The following PDE6A variants were observed in gnomAD, a reference collection of about 807,000 sequenced individuals.
PDE6A encodes the protein rod cGMP-specific 3',5'-cyclic phosphodiesterase subunit alpha.
In PDE6A, 84 loss-of-function variants were observed where a neutral mutation model predicts 106.3. The observed-to-expected ratio is 0.79, with a 90% CI of 0.66 to 0.95. The LOEUF (loss-of-function observed/expected upper bound fraction) is 0.95, where lower values mean the gene tolerates loss of function less well. Ranked by LOEUF, PDE6A falls within the 40% of genes least tolerant of loss-of-function variation. The pLI is 0.00. For synonymous variants in PDE6A, 394 were observed against 386.6 expected (o/e 1.02, Z -0.23); for missense variants, 1,052 against 1,084.9 (o/e 0.97, Z 0.43).
At chr5:149,920,433 T>C (rs969141570) in intron 5 of PDE6A, among the ~76,000 whole-genome samples, 1 of 151,900 alleles carries the variant, frequency 6.6e-6, no homozygotes, top group African/African-American at 2.4e-5. Context: ...ATACGAAAAT[T>C]AGCCAGGTAT....
intron 1 of PDE6A, among the ~76,000 whole-genome samples, chr5:149,941,526 C>G (rs555491634): frequency 6.6e-6 from 1 of 152,222 alleles, no homozygotes; most frequent in Non-Finnish European, 1.5e-5. Context: ...AGTGTTTAAC[C>G]AAGTGATCAG....
chr5:149,885,685 T>G (rs1752267975), intron 14 of PDE6A, among the ~76,000 whole-genome samples: 1 of 152,232 alleles, frequency 6.6e-6, no homozygotes. Context: ...TTTAATGCAT[T>G]CATTTTCTAT....
At chr5:149,907,268 C>G (rs1174755411) in intron 7 of PDE6A, 44 bp downstream of exon 7, 8 of 1,392,942 alleles carry the variant, frequency 5.7e-6, no homozygotes, top group Non-Finnish European at 7.2e-6. Flanking sequence ...ACTCTTTCTT[C>G]CACGTGATCC....
chr5:149,884,197 A>ATAT lies in PDE6A; in HGVS notation c.2027+281_2027+282insATA, dbSNP rs1396828370. Among the ~76,000 whole-genome samples the ATAT allele has an allele frequency of 1.5e-3, 213 of 142,430 alleles. 2 individuals carry two copies. Among genetic ancestry groups the ATAT allele is most frequent in the Middle Eastern group, 7.4e-3 (2 of 272 alleles). 93.4% of individuals were successfully genotyped at this position (142,430 alleles called of 152,430 possible). A position where few individuals can be genotyped will look rare whatever the true frequency, so the allele number is the denominator to read the frequency against. Reference sequence around the variant, plus strand: ...ATCCTGTCTCAAAAAAGAAAAAAAAAAAATATATATATATATATACACACA... The same window carrying ATAT: ...ATCCTGTCTCAAAAAAGAAAAAAAAATATAAATATATATATATATATACACACA... On this transcript the variant is annotated intron_variant, in intron 16 of 21. Transcript: ENST00000255266.
chr5:149,900,975 G>A (rs1752956316), intron 8 of PDE6A, among the ~76,000 whole-genome samples: 1 of 152,110 alleles, frequency 6.6e-6, no homozygotes, highest in Non-Finnish European at 1.5e-5. Context: ...GAGTATAGTG[G>A]CACTATCTCG....
In PDE6A at chr5:149,884,687, G is replaced by A. The variant is rs1752213061; in HGVS notation, c.1926+93C>T. 8 of 1,453,002 alleles carry A rather than the reference G, an allele frequency of 5.5e-6. No homozygotes were observed. In the Admixed American group the frequency reaches 1.2e-4, roughly 21 times the overall value. The allele number at this position is 1,453,002 out of a possible 1,614,324, so 90.0% of individuals were successfully genotyped here. A position where few individuals can be genotyped will look rare whatever the true frequency, so the allele number is the denominator to read the frequency against. The stretch of plus-strand genomic sequence containing the variant: ...ATGGCAGAGGCAGCCCAGGCCAATG[G>A]GAAGAATGCTCCCTGGGCACACTCA... On this transcript the variant is annotated intron_variant, in intron 15 of 21. Transcript: ENST00000255266.
At chr5:149,915,178 G>A (rs1753513925) in intron 5 of PDE6A, among the ~76,000 whole-genome samples, 171 bp from the exon 6 acceptor site, 1 of 151,690 alleles carries the variant, frequency 6.6e-6, no homozygotes, top group African/African-American at 2.4e-5. Context: ...GGGACTACAG[G>A]CACGCACCAC....
intron 2 of PDE6A, among the ~76,000 whole-genome samples, 172 bp from the exon 3 acceptor site, chr5:149,934,191 G>A (rs150252995): frequency 1.4e-4 from 21 of 152,346 alleles, no homozygotes; most frequent in African/African-American, 4.6e-4. Flanking sequence ...AAAACTCACC[G>A]AATGTAGAAT....
intron 17 of PDE6A, among the ~76,000 whole-genome samples, chr5:149,876,179 A>ATATAC (rs1383841199): frequency 6.6e-6 from 1 of 152,144 alleles, no homozygotes; most frequent in Non-Finnish European, 1.5e-5. Context: ...AAATAACAAA[A>ATATAC]TATACTACCT....
chr5:149,866,409 G>T, intron 19 of PDE6A, 156 bp from the exon 20 acceptor site: 1 of 619,246 alleles, frequency 1.6e-6, no homozygotes, highest in Non-Finnish European at 2.9e-6. Flanking sequence ...ACATGTTAAA[G>T]AACACCATGA....
intron 4 of PDE6A, among the ~76,000 whole-genome samples, chr5:149,924,742 G>A (rs978287160): frequency 1.3e-4 from 20 of 152,302 alleles, no homozygotes; most frequent in African/African-American, 4.3e-4. Flanking sequence ...GAGTTAGTGG[G>A]CCAAAATCCC....
intron 5 of PDE6A, among the ~76,000 whole-genome samples, chr5:149,919,928 G>T (rs1753654474): frequency 6.7e-6 from 1 of 149,818 alleles, no homozygotes; most frequent in Admixed American, 6.6e-5. Flanking sequence ...TTCGACCTAA[G>T]ATTCGGGAAC....
chr5:149,888,401 A>G (rs1379268777), intron 13 of PDE6A, among the ~76,000 whole-genome samples: 1 of 150,900 alleles, frequency 6.6e-6, no homozygotes, highest in Non-Finnish European at 1.5e-5. Context: ...AGGGTTAAGA[A>G]TTCTAATTAA....
intron 5 of PDE6A, among the ~76,000 whole-genome samples, chr5:149,919,662 T>A (rs866797229): frequency 2.0e-5 from 3 of 152,204 alleles, no homozygotes; most frequent in African/African-American, 7.2e-5. Context: ...CATATTCATG[T>A]ACAAATTCAC....
chr5:149,925,320 T>C (rs1753838532), intron 4 of PDE6A, among the ~76,000 whole-genome samples: 1 of 152,088 alleles, frequency 6.6e-6, no homozygotes, highest in African/African-American at 2.4e-5. Context: ...AGCAGAGAAC[T>C]GGAAACTACA....
chr5:149,913,326 G>A lies in PDE6A; in HGVS notation c.998+1617C>T, dbSNP rs550735538. ...TAACCCAGGAGGTGGAAGTTGTAGT[G>A]AGCTGAGATTCGGCCACTGCACTCC... On this transcript the variant is annotated intron_variant, in intron 6 of 21. Transcript: ENST00000255266. 6.6e-5 allele frequency among the ~76,000 whole-genome samples: 10 copies of A among 150,962 alleles called. No homozygotes were observed. In the East Asian group the frequency reaches 1.4e-3, roughly 21 times the overall value.
In PDE6A at chr5:149,898,448, T is replaced by C. The variant is rs1028403633; in HGVS notation, c.1322A>G (p.Asn441Ser). ...AATATCCTTCCTATTTTCAAGTTTA[T>C]TCATTGACTCATAGGTGTCAGGATT... ...VLNPDTYESM[N>S]KLENRKDIFQ... Residue 441 changes from asparagine to serine, a missense_variant, in exon 10 of 22, where the codon AAT (asparagine) becomes AGT (serine). Around this residue, in one of 3 missense-constraint regions of PDE6A, gnomAD observed 913 missense variants for 915.2 expected, o/e 1.00. Coordinates refer to ENST00000255266, the MANE Select transcript of PDE6A (RefSeq NM_000440.3). The C allele has an allele frequency of 1.9e-6, 3 of 1,613,432 alleles. No individual in the cohort carries two copies. Among genetic ancestry groups the C allele is most frequent in the Non-Finnish European group, 2.5e-6 (3 of 1,179,506 alleles).
At chr5:149,899,171 T>C (rs1320374246) in intron 9 of PDE6A, among the ~76,000 whole-genome samples, 3 of 152,222 alleles carry the variant, frequency 2.0e-5, no homozygotes, top group African/African-American at 7.2e-5. Context: ...TCAGCTTAAT[T>C]ACATTTTTTA....
At chr5:149,930,969 C>G in intron 4 of PDE6A, 59 bp downstream of exon 4, 5 of 1,539,102 alleles carry the variant, frequency 3.2e-6, no homozygotes, top group African/African-American at 1.4e-5. Context: ...AGACTCTAGC[C>G]GTCAGTCAGT....
Sources: gnomAD v4.1 joint callset for allele counts (sites outside exome capture counted in the v4.1 genomes callset) on GRCh38, gnomAD v4.1.1 for gene constraint, gnomAD v4.1.1 regional missense constraint, MANE v1.5 for transcripts, NCBI Gene and HGNC (gene_info 2026-07-23, HGNC 2026-07-21) for gene names.